Variants in LYST observed in about 807,000 individuals in gnomAD.
LYST encodes lysosomal trafficking regulator, also known as lysosomal-trafficking regulator.
LYST carries 192 observed loss-of-function variants against 413.6 expected under a neutral mutation model. That is an observed-to-expected ratio of 0.46 (90% confidence interval 0.41 to 0.52). LYST has a LOEUF of 0.52. Ranked by LOEUF, LYST falls within the 20% of genes least tolerant of loss-of-function variation. The pLI, the probability that LYST is intolerant of heterozygous loss-of-function variation, is 0.00. For synonymous variants in LYST, 1,525 were observed against 1,567.3 expected (o/e 0.97, Z 0.64); for missense variants, 3,815 against 4,499.9 (o/e 0.85, Z 4.35).
intron 3 of LYST, among the ~76,000 whole-genome samples, chr1:235,816,470 T>A (rs201685064): frequency 0.037 from 5,162 of 137,912 alleles, 331 homozygotes; most frequent in African/African-American, 0.13. Flanking sequence ...AAAATAAAAA[T>A]AAAAAAAAAA....
chr1:235,783,532 G>A (rs1670086808), intron 14 of LYST, among the ~76,000 whole-genome samples: 1 of 152,058 alleles, frequency 6.6e-6, no homozygotes, highest in African/African-American at 2.4e-5. Context: ...CCTAATGCAC[G>A]TGGGGCTTAA....
intron 9 of LYST, 48 bp downstream of exon 9, chr1:235,800,823 G>T: frequency 7.9e-7 from 1 of 1,263,092 alleles, no homozygotes; most frequent in Non-Finnish European, 1.1e-6. Context: ...GTTATTGGGT[G>T]ATGAGTCTGA....
In LYST at chr1:235,780,924, A is replaced by G. The variant is rs774335588; in HGVS notation, c.5155T>C (p.Cys1719Arg). The change falls in exon 16 of 53, where the codon TGT becomes CGT. Residue 1719 changes from cysteine (C) to arginine (R), a missense_variant. Physicochemically the swap from Cys to Arg is radical, Grantham distance 180 (BLOSUM62 -3). This residue lies in a region of LYST where 530 missense variants were observed against 696.5 expected (regional missense o/e 0.76). Transcript: ENST00000389793. ...ATAAAAAGTTCTCTGATTTGTTCACATCGCAAAATTTCTTTATTAATATAT... is the reference window on the plus strand; with the variant it reads ...ATAAAAAGTTCTCTGATTTGTTCACGTCGCAAAATTTCTTTATTAATATAT... Reference protein sequence around the residue: ...SKYINKEILRCEQIRELFMTK... With the variant: ...SKYINKEILRREQIRELFMTK... The G allele has an allele frequency of 3.8e-6, 6 of 1,592,476 alleles. No homozygotes were observed. The highest frequency in any genetic ancestry group is 5.1e-6 in the Non-Finnish European group (6 of 1,165,048).
intron 50 of LYST, among the ~76,000 whole-genome samples, chr1:235,676,601 C>T (rs1474680186): frequency 6.6e-6 from 1 of 152,182 alleles, no homozygotes; most frequent in East Asian, 1.9e-4. Flanking sequence ...ATGAAGCCTA[C>T]CTCCTCTGCT....
intron 31 of LYST, among the ~76,000 whole-genome samples, chr1:235,740,441 G>C (rs150970967): frequency 7.9e-5 from 12 of 152,076 alleles, no homozygotes; most frequent in African/African-American, 2.7e-4. Flanking sequence ...CCCTTCCACA[G>C]AGACAACTAC....
At chr1:235,714,381 AC>A (rs1662660643) in intron 42 of LYST, among the ~76,000 whole-genome samples, 1 of 152,190 alleles carries the variant, frequency 6.6e-6, no homozygotes, top group South Asian at 2.1e-4. Flanking sequence ...AAATATTTGA[AC>A]AGCTGTCATA....
intron 38 of LYST, among the ~76,000 whole-genome samples, chr1:235,725,171 T>C (rs1663746573): frequency 6.6e-6 from 1 of 152,136 alleles, no homozygotes; most frequent in Non-Finnish European, 1.5e-5. Flanking sequence ...CGGTGGCTCA[T>C]GCCTGTAATC....
chr1:235,715,806 A>G lies in LYST; in HGVS notation c.9628-449T>C, dbSNP rs150376455. Among the ~76,000 whole-genome samples, 6 of 152,136 alleles carry G rather than the reference A, an allele frequency of 3.9e-5. No individual in the cohort carries two copies. In the East Asian group the frequency reaches 1.2e-3, roughly 29 times the overall value. ...GAAATGCAATAGAAATGTAAAAACT[A>G]TGTCACATTATTGGTAATAATATAA... On this transcript the variant is annotated intron_variant, in intron 41 of 52. Transcript: ENST00000389793.
rs975246081 is a variant in LYST at position 235,852,199 on chromosome 1, G to A, written c.-98+14644C>T. Among the ~76,000 whole-genome samples the A allele has an allele frequency of 7.8e-4, 118 of 152,016 alleles. 1 individual carries two copies. Among genetic ancestry groups the A allele is most frequent in the African/African-American group, 2.8e-3 (114 of 41,280 alleles). The stretch of plus-strand genomic sequence containing the variant: ...GCTTCAGGAAGGAAATGCTGTTAAG[G>A]CTTTTAACTACAGACCCTACAGAAT... On this transcript the variant is annotated intron_variant, in intron 1 of 52. Coordinates refer to ENST00000389793, the MANE Select transcript of LYST (RefSeq NM_000081.4).
At chr1:235,786,572 T>G (rs964427422) in intron 14 of LYST, among the ~76,000 whole-genome samples, 2 of 152,142 alleles carry the variant, frequency 1.3e-5, no homozygotes, top group Admixed American at 1.3e-4. Context: ...GGATTATGAA[T>G]CATACTGCTA....
chr1:235,750,151 A>G (rs1156623080), intron 28 of LYST, among the ~76,000 whole-genome samples: 1 of 152,210 alleles, frequency 6.6e-6, no homozygotes, highest in African/African-American at 2.4e-5. Context: ...GAAGCTGAGC[A>G]CTAATGCTAG....
Position 235,664,510 on chromosome 1 carries a change from A to G in LYST, c.11150T>C (p.Val3717Ala). The change falls in exon 51 of 53, where the codon GTA becomes GCA. Residue 3717 changes from valine (V) to alanine (A), a missense_variant. Around this residue, in one of 4 missense-constraint regions of LYST, gnomAD observed 866 missense variants for 1,156.0 expected, o/e 0.75. Transcript: ENST00000389793. This position sits in a 1 kb window ranked among gnomAD's most constrained non-coding sequence, Gnocchi z 4.5. Reference sequence around the variant, plus strand: ...TCCCCCAGCGATTACATTGATAGATACTCCCTCAGGCTGGTTGGAGAAAGC... The same window carrying G: ...TCCCCCAGCGATTACATTGATAGATGCTCCCTCAGGCTGGTTGGAGAAAGC... ...SVAFSNQPEG[V>A]SINVIAGGLE... The G allele has an allele frequency of 6.2e-7, 1 of 1,614,038 alleles. No individual in the cohort carries two copies. Among genetic ancestry groups the G allele is most frequent in the Non-Finnish European group, 8.5e-7 (1 of 1,179,962 alleles).
intron 7 of LYST, among the ~76,000 whole-genome samples, chr1:235,803,279 A>C (rs957969526): frequency 1.3e-5 from 2 of 152,188 alleles, no homozygotes; most frequent in African/African-American, 2.4e-5. Flanking sequence ...GGTTTCTAAC[A>C]AAGTAAGTTA....
intron 4 of LYST, among the ~76,000 whole-genome samples, chr1:235,811,357 T>C (rs1428885517): frequency 6.6e-6 from 1 of 151,120 alleles, no homozygotes; most frequent in Non-Finnish European, 1.5e-5. Flanking sequence ...ATAGACCTGA[T>C]ATAATTTAAC....
Position 235,791,821 on chromosome 1 carries a change from C to T in LYST, c.4421G>A (p.Ser1474Asn). ...CTCCACATTAAACCACAGGGAAACA[C>T]TGAAACCTTCTGATAGGTGTGGCCA... is the stretch of plus-strand genomic sequence containing the variant. ...NCWPHLSEGF[S>N]VSLWFNVECI... Residue 1474 changes from serine to asparagine, a missense_variant, in exon 12 of 53, where the codon AGT becomes AAT. Ser to Asn is a conservative substitution (Grantham distance 46, BLOSUM62 1). Coordinates refer to ENST00000389793, the MANE Select transcript of LYST (RefSeq NM_000081.4). 6.2e-7 allele frequency: 1 copy of T among 1,614,146 alleles called. No individual in the cohort carries two copies. Among genetic ancestry groups the T allele is most frequent in the Non-Finnish European group, 8.5e-7 (1 of 1,180,004 alleles).
At position 235,755,636 on chromosome 1, in the gene LYST, T is replaced by G. The variant is rs1666969507; in HGVS notation, c.7071A>C (p.Ala2357=). 3 of 1,604,202 alleles carry G rather than the reference T, an allele frequency of 1.9e-6. No homozygotes were observed. The highest frequency in any genetic ancestry group is 2.6e-6 in the Non-Finnish European group (3 of 1,171,204). Residue 2357 remains alanine (A), a synonymous_variant, in exon 25 of 53, where the codon GCA becomes GCC. Coordinates refer to ENST00000389793, the MANE Select transcript of LYST (RefSeq NM_000081.4). Reference sequence around the variant, plus strand: ...GTTCCTTAGATGCTCTAGCAAAATATGCATCTAATAGCTAAACAAAAAATT... The same window carrying G: ...GTTCCTTAGATGCTCTAGCAAAATAGGCATCTAATAGCTAAACAAAAAATT... ...IQQGVIKLLD[A]YFARASKEQK...
chr1:235,715,081 T>G lies in LYST; in HGVS notation c.9784+120A>C, dbSNP rs146830600. ...TTTGGGCAAGGAATAAATAGAATTC[T>G]TTTTCCTGTAGTTTGATTAGTCTTA... On this transcript the variant is annotated intron_variant, in intron 42 of 52. Transcript: ENST00000389793. 316 of 943,104 alleles carry G rather than the reference T, an allele frequency of 3.4e-4. 1 individual carries two copies. The African/African-American group carries it at 4.7e-3, about 14-fold the overall frequency. The allele number at this position is 943,104 out of a possible 1,614,324, so 58.4% of individuals were successfully genotyped here.
chr1:235,677,613 C>G lies in LYST; in HGVS notation c.10807G>C (p.Glu3603Gln). 6.2e-7 allele frequency: 1 copy of G among 1,612,014 alleles called. No homozygotes were observed. The highest frequency in any genetic ancestry group is 8.5e-7 in the Non-Finnish European group (1 of 1,178,364). ...TGTATTTGAGTCTCCATTTCTATTT[C>G]TGATGGCTGAAATTTTAAAATTAAG... is the stretch of plus-strand genomic sequence containing the variant. ...TNRFTSSTPS[E>Q]IEMETQIHLY... The change falls in exon 49 of 53, where the codon GAA (glutamate) becomes CAA (glutamine). Residue 3603 changes from glutamate to glutamine, a missense_variant. Around this residue, in one of 4 missense-constraint regions of LYST, gnomAD observed 866 missense variants for 1,156.0 expected, o/e 0.75. Coordinates refer to ENST00000389793, the MANE Select transcript of LYST (RefSeq NM_000081.4).
At position 235,780,962 on chromosome 1, in the gene LYST, T is replaced by C. The variant is rs764368579; in HGVS notation, c.5117A>G (p.Asn1706Ser). Residue 1706 changes from asparagine to serine, a missense_variant, in exon 16 of 53, where the codon AAT (asparagine) becomes AGT (serine). By Grantham distance (46) the Asn-to-Ser change is conservative. Coordinates refer to ENST00000389793, the MANE Select transcript of LYST (RefSeq NM_000081.4). ...TTTATTAATATATTTGGAGTAGTCA[T>C]TGACTGGCTTGCCATACTTACATGG... ...VMPCKYGKPV[N>S]DYSKYINKEI... is the part of the protein sequence containing the mutation. The C allele has an allele frequency of 3.1e-6, 5 of 1,605,892 alleles. No homozygotes were observed. The highest frequency in any genetic ancestry group is 4.3e-6 in the Non-Finnish European group (5 of 1,173,830).
Sources: allele counts gnomAD v4.1 joint callset (sites outside exome capture counted in the v4.1 genomes callset), GRCh38; gene constraint gnomAD v4.1.1; regional missense constraint gnomAD v4.1.1; non-coding constraint Gnocchi (gnomAD v3.1); transcripts MANE v1.5; gene names NCBI Gene and HGNC (gene_info 2026-07-23, HGNC 2026-07-21).